The following CSMD1 variants were observed in gnomAD, a reference collection of about 807,000 sequenced individuals.
CSMD1 encodes the protein CUB and Sushi multiple domains 1.
Under a neutral mutation model 417.5 loss-of-function variants are expected in CSMD1, and 213 were observed. The observed-to-expected ratio is 0.51, with a 90% confidence interval of 0.46 to 0.57. The LOEUF is 0.57. CSMD1 is among the 20% of genes least tolerant of loss of function. CSMD1 has a pLI of 0.00. For synonymous variants in CSMD1, 2,862 were observed against 1,736.8 expected, an observed-to-expected ratio of 1.65 and a Z score of -16.11; for missense variants, 6,923 against 4,529.7, an observed-to-expected ratio of 1.53 and a Z score of -15.17.
chr8:4,409,201 T>C (rs766832344), intron 3 of CSMD1, among the ~76,000 whole-genome samples: 5 of 152,194 alleles, frequency 3.3e-5, no homozygotes, highest in Non-Finnish European at 7.4e-5. Flanking sequence ...ATCTACAAAA[T>C]GGAAATGAAT....
At chr8:4,793,541 G>C (rs961674430) in intron 1 of CSMD1, among the ~76,000 whole-genome samples, 1 of 151,760 alleles carries the variant, frequency 6.6e-6, no homozygotes, top group Non-Finnish European at 1.5e-5. Flanking sequence ...TAGCTGTTCT[G>C]CTTGCAGAAA....
intron 1 of CSMD1, among the ~76,000 whole-genome samples, chr8:4,895,415 G>C (rs945964487): frequency 6.6e-6 from 1 of 152,074 alleles, no homozygotes; most frequent in Non-Finnish European, 1.5e-5. Flanking sequence ...CCCATGCAAA[G>C]CCTGAGTAAA....
At chr8:4,397,076 A>C (rs1222965367) in intron 3 of CSMD1, among the ~76,000 whole-genome samples, 1 of 152,058 alleles carries the variant, frequency 6.6e-6, no homozygotes, top group Non-Finnish European at 1.5e-5. Flanking sequence ...AATTATGCAC[A>C]CTTCCCCATC....
At chr8:3,316,226 T>A (rs185528672) in intron 23 of CSMD1, among the ~76,000 whole-genome samples, 3 of 152,340 alleles carry the variant, frequency 2.0e-5, no homozygotes, top group Admixed American at 2.0e-4. Flanking sequence ...GTGCTAACTA[T>A]ATACTGTATG....
intron 5 of CSMD1, among the ~76,000 whole-genome samples, chr8:3,930,350 A>T (rs1584984829): frequency 6.6e-6 from 1 of 150,776 alleles, no homozygotes; most frequent in East Asian, 2.0e-4. Flanking sequence ...CATAATAAAG[A>T]AATCAATGTA....
intron 1 of CSMD1, among the ~76,000 whole-genome samples, chr8:4,789,614 G>C (rs1188039371): frequency 6.6e-6 from 1 of 152,138 alleles, no homozygotes; most frequent in Non-Finnish European, 1.5e-5. Context: ...TCACTCCAGT[G>C]TGGGGAAGTT....
intron 1 of CSMD1, among the ~76,000 whole-genome samples, chr8:4,905,678 G>T (rs113377025): frequency 2.0e-5 from 3 of 151,852 alleles, no homozygotes; most frequent in South Asian, 2.1e-4. Flanking sequence ...AAATTAGCCG[G>T]GCGTGGTGGC....
intron 3 of CSMD1, among the ~76,000 whole-genome samples, chr8:4,257,895 C>T (rs1443338765): frequency 6.6e-6 from 1 of 152,172 alleles, no homozygotes; most frequent in Non-Finnish European, 1.5e-5. Flanking sequence ...CTGTTGTGAC[C>T]AGGCTAACAA....
chr8:3,145,066 T>C (rs972486300), intron 40 of CSMD1, among the ~76,000 whole-genome samples: 3 of 152,172 alleles, frequency 2.0e-5, no homozygotes, highest in African/African-American at 7.2e-5. Flanking sequence ...TGTGCATGCA[T>C]GCATTTGTGT....
chr8:4,727,615 G>T (rs1436930764), intron 1 of CSMD1, among the ~76,000 whole-genome samples: 1 of 152,074 alleles, frequency 6.6e-6, no homozygotes, highest in Non-Finnish European at 1.5e-5. Context: ...TGACTTCCAA[G>T]TTTATATTTC....
At chr8:4,033,334 T>C (rs56691917) in intron 3 of CSMD1, among the ~76,000 whole-genome samples, 31,629 of 151,618 alleles carry the variant, frequency 0.21, 3,672 homozygotes, top group East Asian at 0.38. Context: ...CCCAGCTACT[T>C]GGGAGGCTGA....
intron 3 of CSMD1, among the ~76,000 whole-genome samples, chr8:4,330,643 G>A (rs1027782024): frequency 2.7e-5 from 4 of 150,616 alleles, no homozygotes; most frequent in African/African-American, 9.7e-5. Flanking sequence ...TATTTTATTT[G>A]TTTTCACAAC....
intron 26 of CSMD1, among the ~76,000 whole-genome samples, chr8:3,269,859 A>G (rs1162753874): frequency 6.6e-6 from 1 of 152,122 alleles, no homozygotes; most frequent in Non-Finnish European, 1.5e-5. Flanking sequence ...TGGACCTTTA[A>G]TGGGGTTTGG....
At chr8:4,460,297 G>A (rs1046591552) in intron 2 of CSMD1, among the ~76,000 whole-genome samples, 3 of 151,984 alleles carry the variant, frequency 2.0e-5, no homozygotes, top group Admixed American at 6.6e-5. Context: ...CGAAAATGGA[G>A]ATCAAATACA....
Position 3,309,160 on chromosome 8 carries a change from C to T in CSMD1, c.3632-657G>A, listed in dbSNP as rs188618462. Among the ~76,000 whole-genome samples, 456 of 152,288 alleles carry T rather than the reference C, an allele frequency of 3.0e-3. 3 individuals are homozygous for T. Among genetic ancestry groups the T allele is most frequent in the South Asian group, 0.012 (58 of 4,824 alleles). On this transcript the variant is annotated intron_variant, in intron 23 of 69. Coordinates refer to ENST00000635120, the MANE Select transcript of CSMD1 (RefSeq NM_033225.6). ...GGGATACTCTGCTGCCTCTTTGCCC[C>T]TCTGTCACAACCTAGACCTCCAAGG...
intron 3 of CSMD1, among the ~76,000 whole-genome samples, chr8:4,072,774 C>T (rs1212846052): frequency 6.6e-6 from 1 of 152,128 alleles, no homozygotes; most frequent in African/African-American, 2.4e-5. Flanking sequence ...CACATGGAGC[C>T]TCACAGTCAT....
At chr8:4,234,502 G>A (rs1486695870) in intron 3 of CSMD1, among the ~76,000 whole-genome samples, 4 of 152,088 alleles carry the variant, frequency 2.6e-5, no homozygotes, top group African/African-American at 9.7e-5. Flanking sequence ...TCTGAATTCA[G>A]CAGTCTACAC....
At chr8:3,824,142 G>A (rs751197884) in intron 5 of CSMD1, among the ~76,000 whole-genome samples, 5 of 151,868 alleles carry the variant, frequency 3.3e-5, no homozygotes, top group Non-Finnish European at 7.4e-5. Context: ...TCATTCACCA[G>A]CCGAGTCAAA....
At chr8:4,032,299 A>G (rs544332414) in intron 3 of CSMD1, among the ~76,000 whole-genome samples, 200 bp from the exon 4 acceptor site, 3 of 152,226 alleles carry the variant, frequency 2.0e-5, no homozygotes, top group Non-Finnish European at 2.9e-5. Context: ...ACTTTTATAA[A>G]CATCATAAAG....
Sources: gnomAD v4.1 joint callset for allele counts (sites outside exome capture counted in the v4.1 genomes callset) on GRCh38, gnomAD v4.1.1 for gene constraint, MANE v1.5 for transcripts, NCBI Gene and HGNC (gene_info 2026-07-23, HGNC 2026-07-21) for gene names.